NRG3: variants seen among roughly 807,000 people sequenced by gnomAD.
The protein encoded by NRG3 is neuregulin 3, also known as pro-neuregulin-3, membrane-bound isoform.
Under a neutral mutation model 66.9 loss-of-function variants are expected in NRG3, and 31 were observed. The observed-to-expected ratio is 0.46, with a 90% CI of 0.35 to 0.63. The LOEUF is 0.63. Ranked by LOEUF, NRG3 falls within the 20% of genes least tolerant of loss-of-function variation. The pLI is 0.00. For synonymous variants in NRG3, 393 were observed against 359.4 expected (o/e 1.09, Z -1.06); for missense variants, 910 against 878.9 (o/e 1.04, Z -0.45).
chr10:82,177,563 G>T (rs779221479), intron 1 of NRG3, among the ~76,000 whole-genome samples: 10 of 152,018 alleles, frequency 6.6e-5, no homozygotes, highest in Non-Finnish European at 1.3e-4. Flanking sequence ...TTCAAGCCTA[G>T]AAAGTTTAGA....
chr10:81,996,024 G>A (rs933416002), intron 1 of NRG3, among the ~76,000 whole-genome samples: 1 of 151,922 alleles, frequency 6.6e-6, no homozygotes, highest in East Asian at 1.9e-4. Context: ...TCTTTATAAT[G>A]CATAATGAAT....
At chr10:81,914,189 G>A (rs919630079) in intron 1 of NRG3, among the ~76,000 whole-genome samples, 22 of 152,040 alleles carry the variant, frequency 1.4e-4, no homozygotes, top group African/African-American at 2.4e-4. Context: ...CAATGAACAC[G>A]TATTACCTTT....
chr10:82,984,071 G>A lies in NRG3; in HGVS notation c.1584-1027G>A, dbSNP rs187476043. Reference sequence around the variant, plus strand: ...GTCGAGGAAAGGAGATTTATTGTATGGAAGGTTGATATGTTTAAATTGTGT... The same window carrying A: ...GTCGAGGAAAGGAGATTTATTGTATAGAAGGTTGATATGTTTAAATTGTGT... On this transcript the variant is annotated intron_variant, in intron 8 of 8. Coordinates refer to ENST00000372141, the MANE Select transcript of NRG3 (RefSeq NM_001010848.4). Among the ~76,000 whole-genome samples, 118 of 152,330 alleles carry A rather than the reference G, an allele frequency of 7.7e-4. No individual in the cohort carries two copies. The South Asian group carries it at 0.011, about 14-fold the overall frequency.
chr10:82,671,545 G>A (rs2053275390), intron 2 of NRG3, among the ~76,000 whole-genome samples: 1 of 152,156 alleles, frequency 6.6e-6, no homozygotes, highest in Admixed American at 6.5e-5. Context: ...TGCTGAACAG[G>A]GTGCAGAGCT....
intron 5 of NRG3, among the ~76,000 whole-genome samples, chr10:82,953,675 A>T (rs960182716): frequency 2.0e-5 from 3 of 151,922 alleles, no homozygotes; most frequent in African/African-American, 7.3e-5. Context: ...TTTGTTAAGG[A>T]TTAAATGCAA....
intron 1 of NRG3, among the ~76,000 whole-genome samples, chr10:82,199,309 T>C (rs2040106586): frequency 1.3e-5 from 2 of 152,194 alleles, no homozygotes; most frequent in African/African-American, 4.8e-5. Flanking sequence ...TTCTCAAACC[T>C]AAACCAAAAA....
In NRG3 at chr10:81,904,681, T is replaced by C. The variant is rs372689604; in HGVS notation, c.823+28518T>C. 2.6e-5 allele frequency among the ~76,000 whole-genome samples: 4 copies of C among 152,252 alleles called. No individual in the cohort carries two copies. The South Asian group carries it at 8.3e-4, about 32-fold the overall frequency. On this transcript the variant is annotated intron_variant, in intron 1 of 8. Transcript: ENST00000372141. ...TGGGCCTTTTCATTTCTCAGATAAA[T>C]CAGCAATCTTTTGTTTCTATGGCAG...
At chr10:82,673,419 A>C (rs1397984432) in intron 2 of NRG3, among the ~76,000 whole-genome samples, 1 of 152,210 alleles carries the variant, frequency 6.6e-6, no homozygotes, top group East Asian at 1.9e-4. Context: ...TATTTATATC[A>C]ATTAGCCTAT....
intron 2 of NRG3, among the ~76,000 whole-genome samples, chr10:82,432,495 TAAAA>T (rs532419949): frequency 8.5e-6 from 1 of 118,010 alleles, no homozygotes; most frequent in Admixed American, 8.6e-5. Context: ...GTATTTCTTC[TAAAA>T]AAAAAAAAAA....
intron 2 of NRG3, among the ~76,000 whole-genome samples, chr10:82,377,693 G>A (rs756490005): frequency 2.0e-5 from 3 of 152,156 alleles, no homozygotes; most frequent in Non-Finnish European, 4.4e-5. Flanking sequence ...TGGTGACCCA[G>A]GCTTAAATCT....
intron 1 of NRG3, among the ~76,000 whole-genome samples, chr10:82,030,095 T>G (rs2062494742): frequency 6.6e-6 from 1 of 152,080 alleles, no homozygotes; most frequent in Non-Finnish European, 1.5e-5. Context: ...TGGGTGATTT[T>G]TGTGATTAGA....
At chr10:82,586,772 A>C (rs1003433512) in intron 2 of NRG3, among the ~76,000 whole-genome samples, 7 of 152,200 alleles carry the variant, frequency 4.6e-5, no homozygotes, top group African/African-American at 1.7e-4. Context: ...TATACAATAC[A>C]TATTTTTTAA....
intron 5 of NRG3, among the ~76,000 whole-genome samples, chr10:82,958,326 G>C (rs938894118): frequency 6.6e-6 from 1 of 152,122 alleles, no homozygotes; most frequent in Non-Finnish European, 1.5e-5. Context: ...TCATCACAAA[G>C]AATTATCATG....
At chr10:82,502,303 T>A (rs937352990) in intron 2 of NRG3, among the ~76,000 whole-genome samples, 3 of 152,142 alleles carry the variant, frequency 2.0e-5, no homozygotes. Flanking sequence ...CCTGTTCAGG[T>A]CAGCAGTATC....
intron 3 of NRG3, among the ~76,000 whole-genome samples, chr10:82,799,357 C>G (rs112222999): frequency 0.03 from 4,578 of 151,978 alleles, 199 homozygotes; most frequent in African/African-American, 0.1. Flanking sequence ...GAAACCCCAT[C>G]TCTACTAAAA....
intron 3 of NRG3, among the ~76,000 whole-genome samples, chr10:82,862,947 C>A (rs1221456543): frequency 1.3e-5 from 2 of 152,090 alleles, no homozygotes; most frequent in Non-Finnish European, 1.5e-5. Context: ...CACCTATCAA[C>A]CTGTCATGTA....
chr10:82,475,938 C>T (rs1180136464), intron 2 of NRG3, among the ~76,000 whole-genome samples: 1 of 152,106 alleles, frequency 6.6e-6, no homozygotes, highest in African/African-American at 2.4e-5. Context: ...GAAAATTACA[C>T]ATCTGATAAG....
At chr10:82,534,449 GA>G (rs1847621837) in intron 2 of NRG3, among the ~76,000 whole-genome samples, 1 of 152,004 alleles carries the variant, frequency 6.6e-6, no homozygotes, top group African/African-American at 2.4e-5. Context: ...ATTTTTAGTA[GA>G]AGCAGGGTTT....
chr10:82,821,471 C>T (rs1215032081), intron 3 of NRG3, among the ~76,000 whole-genome samples: 3 of 147,778 alleles, frequency 2.0e-5, no homozygotes, highest in South Asian at 2.2e-4. Context: ...GTTGCATAGT[C>T]TGGTTGAGTG....
Sources: allele counts gnomAD v4.1 joint callset (sites outside exome capture counted in the v4.1 genomes callset), GRCh38; gene constraint gnomAD v4.1.1; transcripts MANE v1.5; gene names NCBI Gene and HGNC (gene_info 2026-07-23, HGNC 2026-07-21).